Variants in CDK14 observed in about 807,000 individuals in gnomAD.
The protein encoded by CDK14 is cyclin-dependent kinase 14.
CDK14 carries 34 observed loss-of-function variants against 60.7 expected under a neutral mutation model. That is an observed-to-expected ratio of 0.56 (90% CI 0.43 to 0.75). CDK14 has a LOEUF of 0.75. CDK14 is among the 30% of genes least tolerant of loss of function. The pLI is 0.00. For synonymous variants in CDK14, 197 were observed against 203.7 expected (o/e 0.97, Z 0.28); for missense variants, 482 against 564.1 (o/e 0.85, Z 1.47).
At chr7:90,811,803 G>A (rs529144598) in intron 5 of CDK14, among the ~76,000 whole-genome samples, 13 of 152,226 alleles carry the variant, frequency 8.5e-5, no homozygotes, top group East Asian at 7.7e-4. Context: ...AAAAGTGGGC[G>A]AAGGATATGA....
chr7:90,971,378 G>A (rs1228142433), intron 9 of CDK14, among the ~76,000 whole-genome samples: 1 of 152,108 alleles, frequency 6.6e-6, no homozygotes, highest in Non-Finnish European at 1.5e-5. Context: ...AAGGGGATCA[G>A]GGGAGGCTTC....
At chr7:90,874,993 C>A (rs1791510918) in intron 6 of CDK14, among the ~76,000 whole-genome samples, 1 of 152,146 alleles carries the variant, frequency 6.6e-6, no homozygotes, top group African/African-American at 2.4e-5. Context: ...TAAAGAGAAT[C>A]CCATATCCAT....
chr7:90,735,745 T>A (rs528432403), intron 3 of CDK14, among the ~76,000 whole-genome samples: 1 of 152,286 alleles, frequency 6.6e-6, no homozygotes, highest in South Asian at 2.1e-4. Flanking sequence ...AGCCAGTGGA[T>A]CTTAGCTTGC....
chr7:90,947,999 G>A (rs1052467208), intron 8 of CDK14, among the ~76,000 whole-genome samples: 4 of 151,996 alleles, frequency 2.6e-5, no homozygotes, highest in Non-Finnish European at 5.9e-5. Context: ...AACACATATA[G>A]ATACATACTT....
At chr7:91,192,384 T>C (rs1802389767) in intron 14 of CDK14, among the ~76,000 whole-genome samples, 1 of 152,148 alleles carries the variant, frequency 6.6e-6, no homozygotes. Context: ...GGGAAGTACA[T>C]CTCCAGCTTG....
chr7:91,138,589 T>G (rs1800354718), intron 14 of CDK14, among the ~76,000 whole-genome samples: 2 of 152,168 alleles, frequency 1.3e-5, no homozygotes, highest in Non-Finnish European at 2.9e-5. Context: ...TCTCTTTCAC[T>G]TTCTTTAAAT....
intron 10 of CDK14, among the ~76,000 whole-genome samples, chr7:91,037,398 C>T (rs867331928): frequency 2.6e-5 from 4 of 151,738 alleles, no homozygotes; most frequent in Non-Finnish European, 4.4e-5. Flanking sequence ...TAGACATACA[C>T]GTATGTATGT....
intron 2 of CDK14, among the ~76,000 whole-genome samples, chr7:90,640,023 AC>A (rs1205718153): frequency 1.3e-5 from 2 of 151,822 alleles, no homozygotes; most frequent in African/African-American, 2.4e-5. Context: ...GCTGTCTGTC[AC>A]CCCTTTCCTT....
chr7:91,073,618 G>A (rs1453382161), intron 11 of CDK14, among the ~76,000 whole-genome samples: 1 of 152,186 alleles, frequency 6.6e-6, no homozygotes, highest in African/African-American at 2.4e-5. Context: ...TAACCAGATA[G>A]CATCATGATG....
At chr7:91,110,390 CAG>C (rs1799437240) in intron 12 of CDK14, among the ~76,000 whole-genome samples, 1 of 152,072 alleles carries the variant, frequency 6.6e-6, no homozygotes, top group African/African-American at 2.4e-5. Context: ...ACTGCAGAAA[CAG>C]AGATACAACT....
At chr7:91,078,394 G>A (rs1798384464) in intron 11 of CDK14, among the ~76,000 whole-genome samples, 2 of 152,208 alleles carry the variant, frequency 1.3e-5, no homozygotes, top group African/African-American at 4.8e-5. Context: ...ATCACCTGAG[G>A]TCAGGAATTC....
intron 4 of CDK14, among the ~76,000 whole-genome samples, chr7:90,773,333 T>C (rs1804863800): frequency 6.6e-6 from 1 of 152,196 alleles, no homozygotes; most frequent in African/African-American, 2.4e-5. Flanking sequence ...CTTCTAGTTG[T>C]GTGACTTACA....
At position 90,814,103 on chromosome 7, in the gene CDK14, G is replaced by C. The variant is rs963991870; in HGVS notation, c.544+23451G>C. On this transcript the variant is annotated intron_variant, in intron 5 of 14. Transcript: ENST00000380050. ...AAACTTTTGTTGACTCTAAACTTCT[G>C]TAACTGATACCTCCTAGTCTCAAAG... Among the ~76,000 whole-genome samples the C allele has an allele frequency of 9.9e-5, 15 of 152,150 alleles. No individual in the cohort carries two copies. The South Asian group carries it at 1.5e-3, about 15-fold the overall frequency.
intron 2 of CDK14, among the ~76,000 whole-genome samples, chr7:90,719,137 G>A (rs1168099292): frequency 6.6e-6 from 1 of 152,092 alleles, no homozygotes; most frequent in African/African-American, 2.4e-5. Flanking sequence ...AGGTTGTCAA[G>A]ATTTTTGCTT....
rs1791261852 is a variant in CDK14, at chr7:90,868,507, C to T, written c.639+5238C>T. Among the ~76,000 whole-genome samples the T allele has an allele frequency of 2.0e-5, 3 of 151,976 alleles. No individual in the cohort carries two copies. The South Asian group carries it at 6.2e-4, about 31-fold the overall frequency. On this transcript the variant is annotated intron_variant, in intron 6 of 14. Transcript: ENST00000380050. ...CTGTGAAACAAAGAAAAGCAACAAA[C>T]TCAAAGCTAATCATGATATTGTTAG...
intron 6 of CDK14, among the ~76,000 whole-genome samples, chr7:90,875,264 T>G (rs992233356): frequency 6.6e-6 from 1 of 152,272 alleles, no homozygotes; most frequent in Non-Finnish European, 1.5e-5. Context: ...TCAATTACTG[T>G]ACATGTGGGG....
At chr7:90,829,779 C>T (rs537749726) in intron 5 of CDK14, among the ~76,000 whole-genome samples, 26 of 152,258 alleles carry the variant, frequency 1.7e-4, no homozygotes, top group Admixed American at 4.6e-4. Context: ...ATGATACACC[C>T]GCCTCGGCCT....
In CDK14 at chr7:90,939,417, C is replaced by G. The variant is rs751142503; in HGVS notation, c.827-16280C>G. Among the ~76,000 whole-genome samples the G allele has an allele frequency of 1.6e-4, 24 of 152,308 alleles. No individual in the cohort carries two copies. In the Middle Eastern group the frequency reaches 0.014, roughly 87 times the overall value. On this transcript the variant is annotated intron_variant, in intron 8 of 14. Coordinates refer to ENST00000380050, the MANE Select transcript of CDK14 (RefSeq NM_001287135.2). ...TCTTTATGGCAGTCTTCTGTGAACA[C>G]TCTTGGTCCTAAAAAATACAGCATG...
chr7:91,157,102 A>G (rs1295925831), intron 14 of CDK14, among the ~76,000 whole-genome samples: 1 of 152,228 alleles, frequency 6.6e-6, no homozygotes, highest in Non-Finnish European at 1.5e-5. Flanking sequence ...GATGCAAAAT[A>G]AAGTTCATCA....
Sources: allele counts gnomAD v4.1 joint callset (sites outside exome capture counted in the v4.1 genomes callset), GRCh38; gene constraint gnomAD v4.1.1; transcripts MANE v1.5; gene names NCBI Gene and HGNC (gene_info 2026-07-23, HGNC 2026-07-21).